MED1: variants seen among roughly 807,000 people sequenced by gnomAD.
MED1 encodes mediator complex subunit 1, also known as mediator of RNA polymerase II transcription subunit 1.
In MED1, 17 loss-of-function variants were observed where a neutral mutation model predicts 121.3. The observed-to-expected ratio is 0.14, with a 90% confidence interval of 0.10 to 0.21. The LOEUF (loss-of-function observed/expected upper bound fraction) is 0.21. MED1 is among the 10% of genes least tolerant of loss of function. The pLI, the probability that MED1 is intolerant of heterozygous loss-of-function variation, is 1.00. For missense variants in MED1, 1,558 were observed against 1,919.4 expected (o/e 0.81, Z 3.52); for synonymous variants, 661 against 694.4 (o/e 0.95, Z 0.76).
Position 39,440,684 on chromosome 17 carries a change from A to C in MED1, c.212-7T>G. 1 of 1,609,988 alleles carries C rather than the reference A, an allele frequency of 6.2e-7. No homozygotes were observed. Among genetic ancestry groups the C allele is most frequent in the Non-Finnish European group, 8.5e-7 (1 of 1,178,006 alleles). On this transcript the variant is annotated splice_region_variant and splice_polypyrimidine_tract_variant and intron_variant, in intron 3 of 16. Transcript: ENST00000300651. The surrounding 1 kb of genome is among the most constrained non-coding windows in gnomAD (Gnocchi z 4.1). The stretch of plus-strand genomic sequence containing the variant: ...ATTGCTGGTAAAGATGTTACTATAA[A>C]AGGATGAAAAAAGGAGTCACAAAGA...
intron 6 of MED1, among the ~76,000 whole-genome samples, chr17:39,437,622 G>GA (rs34315891): frequency 0.053 from 7,845 of 149,296 alleles, 653 homozygotes; most frequent in African/African-American, 0.18. Context: ...ATCAAAATAA[G>GA]AAAAAAAAAA....
At position 39,407,470 on chromosome 17, in the gene MED1, G is replaced by T. The variant is rs1483670656; in HGVS notation, c.*5C>A. 6.3e-7 allele frequency: 1 copy of T among 1,585,728 alleles called. No individual in the cohort carries two copies. Among genetic ancestry groups the T allele is most frequent in the African/African-American group, 1.4e-5 (1 of 73,318 alleles). ...TGGCCCTGTTTCTTTTAGGAAATAA[G>T]GTTCCTAATTCCCAATCAGGGCCAC... On this transcript the variant is annotated 3_prime_UTR_variant, in exon 17 of 17. Transcript: ENST00000300651.
intron 8 of MED1, among the ~76,000 whole-genome samples, chr17:39,431,478 C>T (rs1010324152): frequency 4.6e-5 from 7 of 151,956 alleles, no homozygotes; most frequent in Non-Finnish European, 8.8e-5. Flanking sequence ...GGGGTTTCAC[C>T]ATATTGGGCA....
rs1597855233 is a variant in MED1 at position 39,415,108 on chromosome 17, T to C, written c.1417A>G (p.Thr473Ala). 1 of 1,614,110 alleles carries C rather than the reference T, an allele frequency of 6.2e-7. No homozygotes were observed. Among genetic ancestry groups the C allele is most frequent in the East Asian group, 2.2e-5 (1 of 44,874 alleles). Reference protein sequence around the residue: ...VCVVMDVQDSTHVSCKLYKGL... With the variant: ...VCVVMDVQDSAHVSCKLYKGL... ...TTGTAGAGTTTACAGCTCACATGTGTTGAGTCCTGCACATCCATTACCACT... is the reference window on the plus strand; with the variant it reads ...TTGTAGAGTTTACAGCTCACATGTGCTGAGTCCTGCACATCCATTACCACT... Residue 473 changes from threonine to alanine, a missense_variant, in exon 16 of 17, where the codon ACA (threonine) becomes GCA (alanine). Around this residue, in one of 5 missense-constraint regions of MED1, gnomAD observed 50 missense variants for 134.5 expected, o/e 0.37. Coordinates refer to ENST00000300651, the MANE Select transcript of MED1 (RefSeq NM_004774.4).
chr17:39,427,592 A>C (rs1215341200), intron 10 of MED1, 109 bp downstream of exon 10: 2 of 700,132 alleles, frequency 2.9e-6, no homozygotes, highest in African/African-American at 3.6e-5. Context: ...TGTGTGTATA[A>C]GGTGCAAATG....
chr17:39,409,987 C>T lies in MED1; in HGVS notation c.2234G>A (p.Cys745Tyr), dbSNP rs2048341145. ...TGGGTAAGTTGTTGGGGGAGTGCTA[C>T]ACTGGCTTGGAGCTGGAGTGATGTG... ...TPHITPAPSQ[C>Y]STPPTTYPQP... The change falls in exon 17 of 17, where the codon TGT becomes TAT. Residue 745 changes from cysteine (C) to tyrosine (Y), a missense_variant. Coordinates refer to ENST00000300651, the MANE Select transcript of MED1 (RefSeq NM_004774.4). 1 of 1,614,092 alleles carries T rather than the reference C, an allele frequency of 6.2e-7. No homozygotes were observed. The highest frequency in any genetic ancestry group is 1.3e-5 in the African/African-American group (1 of 75,016).
In MED1 at chr17:39,424,670, T is replaced by C. The variant is rs746832675; in HGVS notation, c.808A>G (p.Ile270Val). The change falls in exon 11 of 17, where the codon ATT becomes GTT. Residue 270 changes from isoleucine to valine, a missense_variant. Transcript: ENST00000300651. ...EGTSAVYKLP[I>V]APLIMGSHPV... is the part of the protein sequence containing the mutation. Reference sequence around the variant, plus strand: ...TGTGACCCCATAATTAATGGTGCAATTGGGAGTTTGTACACAGCAGATGTT... The same window carrying C: ...TGTGACCCCATAATTAATGGTGCAACTGGGAGTTTGTACACAGCAGATGTT... 31 of 1,609,552 alleles carry C rather than the reference T, an allele frequency of 1.9e-5. No homozygotes were observed. The highest frequency in any genetic ancestry group is 2.5e-5 in the Non-Finnish European group (30 of 1,177,736).
At chr17:39,419,623 G>T in intron 14 of MED1, 94 bp downstream of exon 14, 6 of 1,281,040 alleles carry the variant, frequency 4.7e-6, no homozygotes, top group Non-Finnish European at 6.6e-6. Context: ...CTTTTTTTAA[G>T]TTCTACAGGT....
chr17:39,412,233 T>TC (rs1162904334), intron 16 of MED1, among the ~76,000 whole-genome samples: 2 of 150,052 alleles, frequency 1.3e-5, no homozygotes, highest in African/African-American at 4.9e-5. Context: ...TTTTTCTTTT[T>TC]TTTTTTTTTT....
chr17:39,423,973 C>T, intron 11 of MED1, 152 bp from the exon 12 acceptor site: 1 of 898,336 alleles, frequency 1.1e-6, no homozygotes, highest in Non-Finnish European at 1.6e-6. Context: ...ACCTCTGCCT[C>T]CCGGGTTCAA....
chr17:39,429,685 G>A (rs2048546636), intron 9 of MED1, among the ~76,000 whole-genome samples: 1 of 102,218 alleles, frequency 9.8e-6, no homozygotes, highest in Non-Finnish European at 1.8e-5. Flanking sequence ...GACAGAGCAA[G>A]ACTCTGCCTA....
rs757926955 is a variant in MED1 at position 39,409,425 on chromosome 17, A to G, written c.2796T>C (p.Ser932=). 7 of 1,614,164 alleles carry G rather than the reference A, an allele frequency of 4.3e-6. No individual in the cohort carries two copies. The East Asian group carries it at 1.6e-4, about 36-fold the overall frequency. ...AAGCTTTGCCGGCTACTGAAATAAT[A>G]CTGAAATCAACTGTGTCGGCTTGGT... ...GNNQADTVDF[S]IISVAGKALA... Residue 932 remains serine (S), a synonymous_variant, in exon 17 of 17, where the codon AGT becomes AGC. Coordinates refer to ENST00000300651, the MANE Select transcript of MED1 (RefSeq NM_004774.4).
rs754103815 is a variant in MED1, at chr17:39,434,263, G to T, written c.486C>A (p.Asn162Lys). 3 of 1,563,612 alleles carry T rather than the reference G, an allele frequency of 1.9e-6. No homozygotes were observed. The South Asian group carries it at 3.6e-5, about 19-fold the overall frequency. The stretch of plus-strand genomic sequence containing the variant: ...AAAATACTTACTTGTCCCCTGGAAG[G>T]TTATACAGATTAACAAGGCCCTTAA... Reference protein sequence around the residue: ...KHLKGLVNLYNLPGDNKLKTK... With the variant: ...KHLKGLVNLYKLPGDNKLKTK... Residue 162 changes from asparagine to lysine, a missense_variant, in exon 7 of 17, where the codon AAC becomes AAA. By Grantham distance (94) the Asn-to-Lys change is moderately conservative. This residue lies in a region of MED1 where 443 missense variants were observed against 532.4 expected (regional missense o/e 0.83). Coordinates refer to ENST00000300651, the MANE Select transcript of MED1 (RefSeq NM_004774.4).
In MED1 at chr17:39,405,531, A is replaced by G; in HGVS notation, c.*1944T>C. On this transcript the variant is annotated 3_prime_UTR_variant, in exon 17 of 17. Coordinates refer to ENST00000300651, the MANE Select transcript of MED1 (RefSeq NM_004774.4). Reference sequence around the variant, plus strand: ...AGGTGACAAACTCATGAGAAATCCAACCTGGCTGAATGTCTGAGAGGCTGC... The same window carrying G: ...AGGTGACAAACTCATGAGAAATCCAGCCTGGCTGAATGTCTGAGAGGCTGC... 1 of 1,371,930 alleles carries G rather than the reference A, an allele frequency of 7.3e-7. No individual in the cohort carries two copies. Among genetic ancestry groups the G allele is most frequent in the African/African-American group, 1.5e-5 (1 of 68,728 alleles). 85.0% of individuals were successfully genotyped at this position (1,371,930 alleles called of 1,614,324 possible). A position where few individuals can be genotyped will look rare whatever the true frequency, so the allele number is the denominator to read the frequency against.
chr17:39,432,698 G>A (rs1371533475), intron 7 of MED1, among the ~76,000 whole-genome samples: 1 of 150,972 alleles, frequency 6.6e-6, no homozygotes, highest in African/African-American at 2.4e-5. Context: ...AGGTTGCAGT[G>A]AACCGAGATC....
intron 10 of MED1, chr17:39,427,426 C>T (rs2048524659): frequency 5.2e-6 from 1 of 191,010 alleles, no homozygotes; most frequent in African/African-American, 2.4e-5. Context: ...GTGATCTGCC[C>T]ACCTCAGCCT....
chr17:39,420,505 A>G lies in MED1; in HGVS notation c.1096-587T>C, dbSNP rs554812281. 2.6e-5 allele frequency among the ~76,000 whole-genome samples: 4 copies of G among 151,838 alleles called. No individual in the cohort carries two copies. The South Asian group carries it at 8.3e-4, about 32-fold the overall frequency. ...AATAAACAACCACGCCCGGCTGCAA[A>G]TTCTCTATTTTTAATAAAACACCTA... is the stretch of plus-strand genomic sequence containing the variant. On this transcript the variant is annotated intron_variant, in intron 13 of 16. Transcript: ENST00000300651.
Position 39,424,707 on chromosome 17 carries a change from C to T in MED1, c.771G>A (p.Val257=). 1 of 1,610,998 alleles carries T rather than the reference C, an allele frequency of 6.2e-7. No individual in the cohort carries two copies. Among genetic ancestry groups the T allele is most frequent in the Non-Finnish European group, 8.5e-7 (1 of 1,178,340 alleles). ...ACACAGCAGATGTTCCTTCAATTGT[C>T]ACTGATGCATTCATGCCCAAAGATC... ...VSRSLGMNAS[V]TIEGTSAVYK... is the part of the protein sequence containing the mutation. Residue 257 remains valine (V), a synonymous_variant, in exon 11 of 17, where the codon GTG becomes GTA. Transcript: ENST00000300651.
At chr17:39,439,092 C>A in intron 6 of MED1, 73 bp downstream of exon 6, 1 of 1,340,242 alleles carries the variant, frequency 7.5e-7, no homozygotes. Flanking sequence ...TAACTTCTGA[C>A]CAGTCTTAAA....
Sources: gnomAD v4.1 joint callset for allele counts (sites outside exome capture counted in the v4.1 genomes callset) on GRCh38, gnomAD v4.1.1 for gene constraint, gnomAD v4.1.1 regional missense constraint, Gnocchi (gnomAD v3.1) non-coding constraint, MANE v1.5 for transcripts, NCBI Gene and HGNC (gene_info 2026-07-23, HGNC 2026-07-21) for gene names.